The following PCDH9 variants were observed in gnomAD, a reference collection of about 807,000 sequenced individuals.
The protein encoded by PCDH9 is protocadherin 9.
Under a neutral mutation model 70.6 loss-of-function variants are expected in PCDH9, and 24 were observed. The ratio of observed to expected loss-of-function variants is 0.34; its 90% CI spans 0.25 to 0.48. The LOEUF (loss-of-function observed/expected upper bound fraction) is 0.48. Ranked by LOEUF, PCDH9 falls within the 20% of genes least tolerant of loss-of-function variation. The pLI is 0.99. For missense variants in PCDH9, 1,281 were observed against 1,503.6 expected (o/e 0.85, Z 2.45); for synonymous variants, 562 against 558.5 (o/e 1.01, Z -0.09).
At chr13:67,065,219 AAAG>A (rs2085623147) in intron 2 of PCDH9, among the ~76,000 whole-genome samples, 1 of 152,194 alleles carries the variant, frequency 6.6e-6, no homozygotes, top group Non-Finnish European at 1.5e-5. Flanking sequence ...ATCAAACTGA[AAAG>A]AAAAACGAGC....
chr13:67,221,191 T>A (rs1210813474), intron 2 of PCDH9: 1 of 152,118 alleles, frequency 6.6e-6, no homozygotes, highest in East Asian at 1.9e-4. Flanking sequence ...CTTAAAGATT[T>A]TGGTTAGCCT....
chr13:67,082,749 C>T (rs1464079948), intron 2 of PCDH9, among the ~76,000 whole-genome samples: 9 of 152,108 alleles, frequency 5.9e-5, no homozygotes, highest in Admixed American at 5.2e-4. Context: ...ATTACCAATC[C>T]TTATATGCCA....
intron 2 of PCDH9, among the ~76,000 whole-genome samples, chr13:66,950,878 A>C (rs879571405): frequency 6.6e-6 from 1 of 152,058 alleles, no homozygotes; most frequent in Non-Finnish European, 1.5e-5. Context: ...AGGTTTTCCC[A>C]TTGTGTATTT....
intron 3 of PCDH9, among the ~76,000 whole-genome samples, chr13:66,651,564 T>C (rs34541232): frequency 0.095 from 14,452 of 152,022 alleles, 739 homozygotes; most frequent in East Asian, 0.12. Context: ...GATTTCACCA[T>C]TGAATTTTAC....
At chr13:66,460,421 T>G (rs535072075) in intron 4 of PCDH9, among the ~76,000 whole-genome samples, 1 of 151,988 alleles carries the variant, frequency 6.6e-6, no homozygotes, top group Admixed American at 6.6e-5. Context: ...AACAAGAATG[T>G]TCTTCATGGT....
chr13:66,303,422 C>A lies in PCDH9; in HGVS notation c.*1233G>T, dbSNP rs868240827. 1 of 152,372 alleles carries A rather than the reference C, an allele frequency of 6.6e-6. No homozygotes were observed. Among genetic ancestry groups the A allele is most frequent in the African/African-American group, 2.4e-5 (1 of 41,414 alleles). 9.4% of individuals were successfully genotyped at this position (152,372 alleles called of 1,614,324 possible). A position where few individuals can be genotyped will look rare whatever the true frequency, so the allele number is the denominator to read the frequency against. ...TAATTAGAGATTTATCCCTTTATTTCCCCCAACTACCCTACCTGGAGAATG... is the reference window on the plus strand; with the variant it reads ...TAATTAGAGATTTATCCCTTTATTTACCCCAACTACCCTACCTGGAGAATG... On this transcript the variant is annotated 3_prime_UTR_variant, in exon 5 of 5. Transcript: ENST00000377865.
chr13:66,730,992 G>A (rs977692999), intron 3 of PCDH9, among the ~76,000 whole-genome samples: 2 of 149,384 alleles, frequency 1.3e-5, no homozygotes, highest in Non-Finnish European at 3.0e-5. Context: ...CCAAAACACT[G>A]GGATAACAGG....
At chr13:66,491,540 C>G (rs890482761) in intron 4 of PCDH9, among the ~76,000 whole-genome samples, 8 of 152,060 alleles carry the variant, frequency 5.3e-5, no homozygotes, top group African/African-American at 1.7e-4. Flanking sequence ...AAGTACAACA[C>G]TTGAAAAGCT....
At chr13:66,801,303 G>A (rs1333257965) in intron 3 of PCDH9, among the ~76,000 whole-genome samples, 4 of 152,058 alleles carry the variant, frequency 2.6e-5, no homozygotes, top group Admixed American at 2.6e-4. Context: ...TGTAAGTAGT[G>A]ACCAATAGAA....
chr13:66,911,942 A>G (rs1172185514), intron 2 of PCDH9, among the ~76,000 whole-genome samples: 4 of 152,296 alleles, frequency 2.6e-5, no homozygotes, highest in Middle Eastern at 3.4e-3. Flanking sequence ...GATTATATTT[A>G]AGACAATTGT....
At chr13:66,327,302 T>C (rs1243292631) in intron 4 of PCDH9, among the ~76,000 whole-genome samples, 1 of 152,176 alleles carries the variant, frequency 6.6e-6, no homozygotes, top group African/African-American at 2.4e-5. Flanking sequence ...AAAGCCCCAG[T>C]ATCTAGTTCC....
chr13:66,962,048 A>G (rs1387647670), intron 2 of PCDH9, among the ~76,000 whole-genome samples: 1 of 152,108 alleles, frequency 6.6e-6, no homozygotes, highest in African/African-American at 2.4e-5. Context: ...AGACCCCATC[A>G]AGAAAAACAA....
intron 2 of PCDH9, among the ~76,000 whole-genome samples, chr13:67,188,512 C>T (rs2088820179): frequency 6.6e-6 from 1 of 151,840 alleles, no homozygotes; most frequent in Non-Finnish European, 1.5e-5. Flanking sequence ...TTCTATTTTA[C>T]TAATAGAAAT....
chr13:67,176,887 A>C (rs996776020), intron 2 of PCDH9, among the ~76,000 whole-genome samples: 1 of 152,132 alleles, frequency 6.6e-6, no homozygotes, highest in African/African-American at 2.4e-5. Context: ...TTACAAAATA[A>C]TTAAGAATAT....
At position 66,750,255 on chromosome 13, in the gene PCDH9, A is replaced by G. The variant is rs2079436965; in HGVS notation, c.3139-118844T>C. Among the ~76,000 whole-genome samples, 4 of 152,314 alleles carry G rather than the reference A, an allele frequency of 2.6e-5. No homozygotes were observed. The South Asian group carries it at 8.3e-4, about 32-fold the overall frequency. On this transcript the variant is annotated intron_variant, in intron 3 of 4. Coordinates refer to ENST00000377865, the MANE Select transcript of PCDH9 (RefSeq NM_203487.3). ...AAGAAATAGATTCACATTTAAAATT[A>G]GTTAATTATCAAACAATAAAAATAC...
At chr13:66,315,056 T>A (rs1566235252) in intron 4 of PCDH9, among the ~76,000 whole-genome samples, 1 of 152,172 alleles carries the variant, frequency 6.6e-6, no homozygotes, top group Non-Finnish European at 1.5e-5. Flanking sequence ...AATTGGCAAT[T>A]GCTGGCTTTG....
intron 2 of PCDH9, among the ~76,000 whole-genome samples, chr13:67,027,948 G>A (rs1482590501): frequency 6.6e-6 from 1 of 150,776 alleles, no homozygotes; most frequent in African/African-American, 2.4e-5. Flanking sequence ...TGGAGAAATA[G>A]GAACACTTTT....
intron 4 of PCDH9, among the ~76,000 whole-genome samples, chr13:66,360,246 T>A (rs1593856084): frequency 6.6e-6 from 1 of 152,216 alleles, no homozygotes; most frequent in East Asian, 1.9e-4. Flanking sequence ...AATATATAGA[T>A]AGCAGTAGTT....
At chr13:66,719,993 T>C (rs915317969) in intron 3 of PCDH9, among the ~76,000 whole-genome samples, 3 of 152,144 alleles carry the variant, frequency 2.0e-5, no homozygotes, top group Non-Finnish European at 4.4e-5. Flanking sequence ...TATAATTAAA[T>C]ATTCCTTCTA....
Sources: allele counts gnomAD v4.1 joint callset (sites outside exome capture counted in the v4.1 genomes callset), GRCh38; gene constraint gnomAD v4.1.1; transcripts MANE v1.5; gene names NCBI Gene and HGNC (gene_info 2026-07-23, HGNC 2026-07-21).